ADGRL2: variants seen among roughly 807,000 people sequenced by gnomAD.
ADGRL2 encodes the protein adhesion G protein-coupled receptor L2.
A neutral mutation model predicts 157.4 loss-of-function variants in ADGRL2; 44 were observed. That is an observed-to-expected ratio of 0.28 (90% CI 0.22 to 0.36). ADGRL2 has a LOEUF of 0.36. ADGRL2 is among the 10% of genes least tolerant of loss of function. The pLI is 1.00. For missense variants in ADGRL2, 1,510 were observed against 1,768.9 expected, an observed-to-expected ratio of 0.85 and a Z score of 2.63; for synonymous variants, 585 against 624.7, an observed-to-expected ratio of 0.94 and a Z score of 0.95.
chr1:81,342,678 G>T (rs1662160610), intron 1 of ADGRL2, among the ~76,000 whole-genome samples: 1 of 152,024 alleles, frequency 6.6e-6, no homozygotes, highest in African/African-American at 2.4e-5. Flanking sequence ...TCTTAATTTA[G>T]TTATTAATAC....
chr1:81,391,273 G>C (rs1174246621), intron 1 of ADGRL2, among the ~76,000 whole-genome samples: 2 of 152,304 alleles, frequency 1.3e-5, no homozygotes, highest in Non-Finnish European at 1.5e-5. Context: ...TTGTGCTACA[G>C]AAGGCCTAGA....
intron 1 of ADGRL2, among the ~76,000 whole-genome samples, chr1:81,398,446 T>C (rs973271497): frequency 1.3e-5 from 2 of 152,148 alleles, no homozygotes; most frequent in African/African-American, 4.8e-5. Flanking sequence ...TTTGATTCTT[T>C]TCTCTTTTTT....
At chr1:81,413,602 C>T (rs12760194) in intron 1 of ADGRL2, among the ~76,000 whole-genome samples, 33,270 of 152,068 alleles carry the variant, frequency 0.22, 4,582 homozygotes, top group Non-Finnish European at 0.31. Flanking sequence ...GTCATGTCCT[C>T]GTTCGAGAGT....
rs963646039 is a variant in ADGRL2 at position 81,482,896 on chromosome 1, A to G, written c.-248+37807A>G. 3.3e-5 allele frequency among the ~76,000 whole-genome samples: 5 copies of G among 151,944 alleles called. No homozygotes were observed. In the East Asian group the frequency reaches 9.6e-4, roughly 29 times the overall value. ...TCCTTATATTTTACAGTGAGCACAC[A>G]GAAACATCCTGTACACCACACTAAT... On this transcript the variant is annotated intron_variant, in intron 2 of 24. Transcript: ENST00000370721.
Position 81,784,791 on chromosome 1 carries a change from C to T in ADGRL2, c.-101+22939C>T, listed in dbSNP as rs893753632. Among the ~76,000 whole-genome samples, 5 of 151,010 alleles carry T rather than the reference C, an allele frequency of 3.3e-5. No homozygotes were observed. In the South Asian group the frequency reaches 6.3e-4, roughly 19 times the overall value. On this transcript the variant is annotated intron_variant, in intron 2 of 20. Coordinates refer to the ADGRL2 transcript ENST00000359929. Reference sequence around the variant, plus strand: ...TTACTAAGCATCAAGAAAAAAATTCCGCTTTTCAATGTATGTGTTTTGTTA... The same window carrying T: ...TTACTAAGCATCAAGAAAAAAATTCTGCTTTTCAATGTATGTGTTTTGTTA...
chr1:81,312,139 A>G (rs1387592669), intron 1 of ADGRL2, among the ~76,000 whole-genome samples: 2 of 152,258 alleles, frequency 1.3e-5, no homozygotes, highest in Non-Finnish European at 2.9e-5. Context: ...GGTCCTAAGC[A>G]ACGATGGAAG....
At chr1:81,503,836 A>G (rs1239959925) in intron 2 of ADGRL2, among the ~76,000 whole-genome samples, 1 of 151,874 alleles carries the variant, frequency 6.6e-6, no homozygotes, top group Non-Finnish European at 1.5e-5. Flanking sequence ...TCCCCTTTTA[A>G]TTTATTTCCC....
rs1192620167 is a variant in ADGRL2, at chr1:81,962,831, G to T, written c.2018-3227G>T. ...GCCATGTCTATTATTTGCTGCTTTG[G>T]TTTTTTCAGTAATGTTAATATCTGT... On this transcript the variant is annotated intron_variant, in intron 11 of 23. Coordinates refer to ENST00000686636, the MANE Select transcript of ADGRL2 (RefSeq NM_001366006.2). 2.6e-5 allele frequency among the ~76,000 whole-genome samples: 4 copies of T among 152,090 alleles called. No homozygotes were observed. The South Asian group carries it at 6.2e-4, about 24-fold the overall frequency.
At chr1:81,882,613 A>C (rs971784611) in intron 2 of ADGRL2, among the ~76,000 whole-genome samples, 1 of 152,180 alleles carries the variant, frequency 6.6e-6, no homozygotes, top group Non-Finnish European at 1.5e-5. Context: ...ATAGTTCATA[A>C]GATGCTCCAC....
intron 1 of ADGRL2, among the ~76,000 whole-genome samples, chr1:81,818,616 A>G (rs1434121895): frequency 3.3e-5 from 5 of 152,144 alleles, no homozygotes; most frequent in Non-Finnish European, 5.9e-5. Flanking sequence ...GCTTAATTCT[A>G]TTAATTTTGT....
chr1:81,370,043 G>C (rs2076134790), intron 1 of ADGRL2, among the ~76,000 whole-genome samples: 1 of 151,842 alleles, frequency 6.6e-6, no homozygotes. Flanking sequence ...CTCTGTGTTA[G>C]TTCTACCTCA....
At chr1:81,357,275 T>G (rs2100881729) in intron 1 of ADGRL2, among the ~76,000 whole-genome samples, 1 of 152,000 alleles carries the variant, frequency 6.6e-6, no homozygotes, top group Non-Finnish European at 1.5e-5. Context: ...ATTAATATTT[T>G]GTGATTAGGC....
chr1:81,482,513 T>A (rs2147889826), intron 2 of ADGRL2, among the ~76,000 whole-genome samples: 1 of 152,292 alleles, frequency 6.6e-6, no homozygotes, highest in Non-Finnish European at 1.5e-5. Flanking sequence ...CAAATCTGAG[T>A]TTAAAGCCAA....
In ADGRL2 at chr1:81,909,229, G is replaced by T. The variant is rs74667691; in HGVS notation, c.287+1999G>T. 3.6e-3 allele frequency among the ~76,000 whole-genome samples: 549 copies of T among 150,750 alleles called. 18 individuals carry two copies. The South Asian group carries it at 0.053, about 15-fold the overall frequency. On this transcript the variant is annotated intron_variant, in intron 3 of 23. Transcript: ENST00000686636. ...CTTAGCCCATTTTTAAAATTGAGGG[G>T]TTTTTTTTTAGTATTTAGTTTTAAG...
intron 2 of ADGRL2, among the ~76,000 whole-genome samples, chr1:81,885,903 G>C (rs12059679): frequency 1.3e-5 from 2 of 152,072 alleles, no homozygotes; most frequent in African/African-American, 4.8e-5. Context: ...AAACTGTGAC[G>C]AATTAGGCTT....
chr1:81,361,718 A>T (rs560789064), intron 1 of ADGRL2, among the ~76,000 whole-genome samples: 115 of 152,132 alleles, frequency 7.6e-4, no homozygotes, highest in African/African-American at 2.7e-3. Context: ...TCCTTAAAGT[A>T]CAAAAGGGAT....
intron 18 of ADGRL2, 72 bp from the exon 19 acceptor site, chr1:81,981,736 T>C (rs1661726645): frequency 4.2e-6 from 5 of 1,190,230 alleles, no homozygotes; most frequent in Non-Finnish European, 6.0e-6. Context: ...ACTACTGATA[T>C]GTTAACATTT....
chr1:81,583,292 A>G (rs1016123335), intron 3 of ADGRL2, among the ~76,000 whole-genome samples: 3 of 152,168 alleles, frequency 2.0e-5, no homozygotes, highest in Non-Finnish European at 4.4e-5. Context: ...CTGAAAGGTT[A>G]TTTTGTTCAA....
chr1:81,364,786 A>T (rs927096274), intron 1 of ADGRL2, among the ~76,000 whole-genome samples: 5 of 150,582 alleles, frequency 3.3e-5, no homozygotes, highest in African/African-American at 1.2e-4. Flanking sequence ...TGCAACCTAC[A>T]CCTCCCAGGT....
Sources: gnomAD v4.1 joint callset for allele counts (sites outside exome capture counted in the v4.1 genomes callset) on GRCh38, gnomAD v4.1.1 for gene constraint, MANE v1.5 for transcripts, NCBI Gene and HGNC (gene_info 2026-07-23, HGNC 2026-07-21) for gene names.